The following PCCA variants were observed in gnomAD, a reference collection of about 807,000 sequenced individuals.
The protein encoded by PCCA is propionyl-CoA carboxylase alpha chain, mitochondrial.
Under a neutral mutation model 101.3 loss-of-function variants are expected in PCCA, and 74 were observed. The ratio of observed to expected loss-of-function variants is 0.73; its 90% CI spans 0.61 to 0.89. The LOEUF is 0.89. Among genes scored for constraint, PCCA ranks in the 40% least tolerant of loss-of-function variants. The pLI, the probability that PCCA is intolerant of heterozygous loss-of-function variation, is 0.00. For synonymous variants in PCCA, 294 were observed against 313.6 expected (o/e 0.94, Z 0.66); for missense variants, 891 against 907.0 (o/e 0.98, Z 0.23).
At chr13:100,505,655 A>G (rs2086008299) in intron 21 of PCCA, among the ~76,000 whole-genome samples, 3 of 152,228 alleles carry the variant, frequency 2.0e-5, no homozygotes, top group South Asian at 4.1e-4. Context: ...CCTTGAGCCC[A>G]GGAGTTCAAG....
chr13:100,530,191 A>T lies in PCCA; in HGVS notation c.*25A>T. 1 of 1,580,650 alleles carries T rather than the reference A, an allele frequency of 6.3e-7. No individual in the cohort carries two copies. Among genetic ancestry groups the T allele is most frequent in the Non-Finnish European group, 8.7e-7 (1 of 1,149,776 alleles). ...AAGGATTTATAACCTTTCAGTCATC[A>T]CCCAATTTAATTAGCCATTTGCATG... On this transcript the variant is annotated 3_prime_UTR_variant, in exon 24 of 24. Transcript: ENST00000376285.
chr13:100,304,178 A>C (rs966925699), intron 14 of PCCA, among the ~76,000 whole-genome samples: 1 of 152,234 alleles, frequency 6.6e-6, no homozygotes, highest in East Asian at 1.9e-4. Context: ...TCTTTCTTCA[A>C]TTAATGCTGC....
In PCCA at chr13:100,111,824, G is replaced by T. The variant is rs201452244; in HGVS notation, c.184-17G>T. The T allele has an allele frequency of 6.4e-7, 1 of 1,551,788 alleles. No individual in the cohort carries two copies. Among genetic ancestry groups the T allele is most frequent in the Non-Finnish European group, 8.9e-7 (1 of 1,129,126 alleles). On this transcript the variant is annotated splice_polypyrimidine_tract_variant and intron_variant, in intron 2 of 23. Coordinates refer to ENST00000376285, the MANE Select transcript of PCCA (RefSeq NM_000282.4). Reference sequence around the variant, plus strand: ...AAAAGTAACAATTTCTAATGAATGTGTTTTTTCTCTCTTCAGACTTTTGAT... The same window carrying T: ...AAAAGTAACAATTTCTAATGAATGTTTTTTTTCTCTCTTCAGACTTTTGAT...
Position 100,284,194 on chromosome 13 carries a change from T to C in PCCA, c.1065+10848T>C, listed in dbSNP as rs199554611. Among the ~76,000 whole-genome samples the C allele has an allele frequency of 2.9e-4, 44 of 152,346 alleles. No individual in the cohort carries two copies. The East Asian group carries it at 4.1e-3, about 14-fold the overall frequency. On this transcript the variant is annotated intron_variant, in intron 12 of 23. Transcript: ENST00000376285. Reference sequence around the variant, plus strand: ...CAGGTATTTCTCCCACCTCCTCAGTTGTAATTGGAAGACTTTGCTCTTTTC... The same window carrying C: ...CAGGTATTTCTCCCACCTCCTCAGTCGTAATTGGAAGACTTTGCTCTTTTC...
chr13:100,103,473 G>A (rs986706871), intron 2 of PCCA, among the ~76,000 whole-genome samples: 2 of 151,132 alleles, frequency 1.3e-5, no homozygotes, highest in African/African-American at 4.9e-5. Flanking sequence ...CACTGCACCT[G>A]GCTAACATTT....
chr13:100,132,126 T>A (rs572926002), intron 4 of PCCA, among the ~76,000 whole-genome samples: 2 of 152,302 alleles, frequency 1.3e-5, no homozygotes, highest in East Asian at 3.9e-4. Flanking sequence ...TTCACAATGT[T>A]CACCTATATG....
At chr13:100,362,101 G>A (rs1227475580) in intron 18 of PCCA, among the ~76,000 whole-genome samples, 3 of 152,094 alleles carry the variant, frequency 2.0e-5, no homozygotes, top group African/African-American at 2.4e-5. Context: ...ATGGATGGAT[G>A]CACCTCAAAA....
intron 12 of PCCA, among the ~76,000 whole-genome samples, chr13:100,280,242 T>A (rs952866370): frequency 6.6e-6 from 1 of 152,106 alleles, no homozygotes; most frequent in Non-Finnish European, 1.5e-5. Flanking sequence ...TTATTTTTTT[T>A]AAGTCACTGG....
At chr13:100,519,564 G>A (rs2146652) in intron 22 of PCCA, among the ~76,000 whole-genome samples, 19,032 of 152,190 alleles carry the variant, frequency 0.13, 2,046 homozygotes, top group East Asian at 0.39. Flanking sequence ...CTCCTTGCAC[G>A]TGCTCCTTTG....
At chr13:100,423,604 C>T (rs1207346117) in intron 19 of PCCA, among the ~76,000 whole-genome samples, 1 of 152,166 alleles carries the variant, frequency 6.6e-6, no homozygotes, top group Non-Finnish European at 1.5e-5. Flanking sequence ...ACTCATGACT[C>T]ATTGTGTAGA....
chr13:100,477,751 G>A (rs1055077975), intron 21 of PCCA, among the ~76,000 whole-genome samples: 18 of 152,214 alleles, frequency 1.2e-4, no homozygotes, highest in Non-Finnish European at 2.2e-4. Flanking sequence ...CCTATGAAGC[G>A]TGTGTTCTCC....
At chr13:100,241,853 A>G (rs1000783306) in intron 8 of PCCA, among the ~76,000 whole-genome samples, 3 of 152,120 alleles carry the variant, frequency 2.0e-5, no homozygotes, top group Non-Finnish European at 4.4e-5. Context: ...ATTTATGTCC[A>G]TGTATTTGTT....
At chr13:100,159,812 G>C (rs1413936482) in intron 6 of PCCA, among the ~76,000 whole-genome samples, 1 of 152,122 alleles carries the variant, frequency 6.6e-6, no homozygotes, top group Non-Finnish European at 1.5e-5. Flanking sequence ...CTCTCTGGGT[G>C]GGTGTGCCTG....
chr13:100,118,651 C>T (rs899970514), intron 4 of PCCA, among the ~76,000 whole-genome samples: 24 of 151,912 alleles, frequency 1.6e-4, no homozygotes, highest in Middle Eastern at 3.2e-3. Context: ...TGGGCACAAG[C>T]GATCCTCCCA....
rs577064882 is a variant in PCCA at position 100,230,382 on chromosome 13, T to G, written c.601-5460T>G. On this transcript the variant is annotated intron_variant, in intron 7 of 23. Coordinates refer to ENST00000376285, the MANE Select transcript of PCCA (RefSeq NM_000282.4). ...AAAAATGGTGAAACCCTGTCTCTAC[T>G]TAGAATACAAAAATTAGCCGGGTGT... Among the ~76,000 whole-genome samples, 231 of 152,068 alleles carry G rather than the reference T, an allele frequency of 1.5e-3. 1 individual carries two copies. Among genetic ancestry groups the G allele is most frequent in the Non-Finnish European group, 1.9e-3 (127 of 67,972 alleles).
At position 100,224,980 on chromosome 13, in the gene PCCA, G is replaced by A. The variant is rs571575788; in HGVS notation, c.601-10862G>A. ...GAATGTGATGTAACTTATTTTGAAGGCTATTCTTGTGGTTTGGGGAGCCTC... is the reference window on the plus strand; with the variant it reads ...GAATGTGATGTAACTTATTTTGAAGACTATTCTTGTGGTTTGGGGAGCCTC... On this transcript the variant is annotated intron_variant, in intron 7 of 23. Coordinates refer to ENST00000376285, the MANE Select transcript of PCCA (RefSeq NM_000282.4). Among the ~76,000 whole-genome samples, 27 of 152,292 alleles carry A rather than the reference G, an allele frequency of 1.8e-4. 1 individual carries two copies. Among genetic ancestry groups the A allele is most frequent in the Admixed American group, 1.7e-3 (26 of 15,296 alleles).
intron 12 of PCCA, chr13:100,293,120 C>G: frequency 4.7e-6 from 2 of 422,290 alleles, no homozygotes; most frequent in Non-Finnish European, 9.7e-6. Flanking sequence ...TAATTAAAAC[C>G]CCAAACATGG....
At chr13:100,199,492 C>T (rs970754669) in intron 6 of PCCA, among the ~76,000 whole-genome samples, 4 of 152,184 alleles carry the variant, frequency 2.6e-5, no homozygotes, top group Admixed American at 1.3e-4. Flanking sequence ...TGACTTAGCT[C>T]ACTGCATGGC....
intron 6 of PCCA, among the ~76,000 whole-genome samples, chr13:100,188,084 A>G (rs2057438229): frequency 6.6e-6 from 1 of 152,130 alleles, no homozygotes; most frequent in African/African-American, 2.4e-5. Context: ...CACGAGGTCA[A>G]GAGATCGAGA....
Sources: allele counts gnomAD v4.1 joint callset (sites outside exome capture counted in the v4.1 genomes callset), GRCh38; gene constraint gnomAD v4.1.1; transcripts MANE v1.5; gene names NCBI Gene and HGNC (gene_info 2026-07-23, HGNC 2026-07-21).